Variants in USP34 observed in about 807,000 individuals in gnomAD.
USP34 encodes the protein ubiquitin specific peptidase 34, also known as ubiquitin carboxyl-terminal hydrolase 34.
Under a neutral mutation model 460.3 loss-of-function variants are expected in USP34, and 70 were observed. The observed-to-expected ratio is 0.15, with a 90% CI of 0.13 to 0.19. The LOEUF (loss-of-function observed/expected upper bound fraction) is 0.19. Ranked by LOEUF, USP34 falls within the 10% of genes least tolerant of loss-of-function variation. The pLI is 1.00. For missense variants in USP34, 3,985 were observed against 4,236.2 expected (o/e 0.94, Z 1.65); for synonymous variants, 1,647 against 1,405.3 (o/e 1.17, Z -3.85).
At chr2:61,316,214 T>TA (rs1003547304) in intron 23 of USP34, among the ~76,000 whole-genome samples, 2 of 151,402 alleles carry the variant, frequency 1.3e-5, no homozygotes, top group African/African-American at 4.9e-5. Context: ...GGGTTAGGAC[T>TA]AAAAAAACTG....
chr2:61,413,117 C>T (rs57444330), intron 2 of USP34, among the ~76,000 whole-genome samples: 17,812 of 152,034 alleles, frequency 0.12, 1,417 homozygotes, highest in South Asian at 0.32. Context: ...TCAAGGAGGC[C>T]GGGCGCGGTG....
intron 58 of USP34, among the ~76,000 whole-genome samples, chr2:61,231,282 G>T: frequency 6.6e-6 from 1 of 151,716 alleles, no homozygotes; most frequent in East Asian, 1.9e-4. Flanking sequence ...ATGGGTATAG[G>T]GTTTTTTTTT....
At chr2:61,209,939 TA>T (rs764018996) in intron 69 of USP34, among the ~76,000 whole-genome samples, 1 of 152,032 alleles carries the variant, frequency 6.6e-6, no homozygotes, top group Admixed American at 6.5e-5. Context: ...CGAAAACATT[TA>T]AAAAGAAAAA....
intron 62 of USP34, among the ~76,000 whole-genome samples, chr2:61,224,043 A>C (rs1687662873): frequency 1.3e-5 from 2 of 152,214 alleles, no homozygotes; most frequent in East Asian, 1.9e-4. Context: ...TTTCAAAAAC[A>C]ACCACGGTAC....
chr2:61,286,391 C>T (rs942912727), intron 34 of USP34, among the ~76,000 whole-genome samples: 5 of 152,108 alleles, frequency 3.3e-5, no homozygotes, highest in Non-Finnish European at 7.3e-5. Context: ...AGCGGTGGCT[C>T]ACACCTATAA....
In USP34 at chr2:61,187,793, A is replaced by G; in HGVS notation, c.*309T>C. ...CACAGTAAAAATGCTGTAAGTTTAA[A>G]TTACATTGTACAGGGCTAGGCAACC... On this transcript the variant is annotated 3_prime_UTR_variant, in exon 80 of 80. Transcript: ENST00000398571. 1.2e-6 allele frequency: 1 copy of G among 802,002 alleles called. No homozygotes were observed. Among genetic ancestry groups the G allele is most frequent in the East Asian group, 6.9e-5 (1 of 14,540 alleles). The allele number at this position is 802,002 out of a possible 1,614,324, so 49.7% of individuals were successfully genotyped here.
At chr2:61,427,214 G>A (rs974190083) in intron 1 of USP34, among the ~76,000 whole-genome samples, 61 of 152,280 alleles carry the variant, frequency 4.0e-4, no homozygotes, top group African/African-American at 1.4e-3. Context: ...ATTTTTAGTA[G>A]AGACAGGGTT....
chr2:61,213,957 T>C, intron 68 of USP34, 103 bp downstream of exon 68: 2 of 1,344,712 alleles, frequency 1.5e-6, no homozygotes, highest in Non-Finnish European at 2.0e-6. Context: ...TAAGAAAGAA[T>C]GGTGAGACTA....
At chr2:61,191,827 G>C (rs900880832) in intron 76 of USP34, among the ~76,000 whole-genome samples, 1 of 152,168 alleles carries the variant, frequency 6.6e-6, no homozygotes. Context: ...GGGAAAACGA[G>C]ATCTCCAATT....
chr2:61,332,453 T>A (rs1027651318), intron 19 of USP34, among the ~76,000 whole-genome samples: 12 of 152,146 alleles, frequency 7.9e-5, no homozygotes, highest in Non-Finnish European at 1.8e-4. Flanking sequence ...AGGAACAAGC[T>A]AAAAGAGTTT....
rs1323153857 is a variant in USP34 at position 61,380,238 on chromosome 2, T to C, written c.945A>G (p.Leu315=). ...DTTLCFDKES[L]DLAFKYFMSP... Reference sequence around the variant, plus strand: ...ACATAAAGTACTTAAATGCAAGATCTAGGCTTTCTTTATCAAAGCATAATG... The same window carrying C: ...ACATAAAGTACTTAAATGCAAGATCCAGGCTTTCTTTATCAAAGCATAATG... The change falls in exon 7 of 80, where the codon CTA becomes CTG. Residue 315 remains leucine (L), a synonymous_variant. Coordinates refer to ENST00000398571, the MANE Select transcript of USP34 (RefSeq NM_014709.4). The C allele has an allele frequency of 6.2e-7, 1 of 1,614,066 alleles. No individual in the cohort carries two copies. Among genetic ancestry groups the C allele is most frequent in the East Asian group, 2.2e-5 (1 of 44,896 alleles).
Position 61,188,705 on chromosome 2 carries a change from A to T in USP34, c.10038T>A (p.Asp3346Glu), listed in dbSNP as rs2103726857. The change falls in exon 80 of 80, where the codon GAT becomes GAA. Residue 3346 changes from aspartate (D) to glutamate (E), a missense_variant. This residue lies in a region of USP34 where 506 missense variants were observed against 439.0 expected (regional missense o/e 1.15). Transcript: ENST00000398571. Reference protein sequence around the residue: ...QEAKERKTKDDEGATPIKRRR... With the variant: ...QEAKERKTKDEEGATPIKRRR... ...GCCTTTTAATGGGAGTTGCTCCTTC[A>T]TCATCTGTGAAAACACATGCCAAAA... is the stretch of plus-strand genomic sequence containing the variant. 5 of 1,612,286 alleles carry T rather than the reference A, an allele frequency of 3.1e-6. No individual in the cohort carries two copies. In the East Asian group the frequency reaches 8.9e-5, roughly 29 times the overall value.
Position 61,187,463 on chromosome 2 carries a change from T to G in USP34, c.*639A>C. The G allele has an allele frequency of 1.0e-6, 1 of 985,962 alleles. No homozygotes were observed. Among genetic ancestry groups the G allele is most frequent in the Non-Finnish European group, 1.2e-6 (1 of 829,982 alleles). The allele number at this position is 985,962 out of a possible 1,614,324, so 61.1% of individuals were successfully genotyped here. Reference sequence around the variant, plus strand: ...GACTGAAGCAACGTATGTAAACAAATGAAAAGTCATCACAATCAGTTTAAT... The same window carrying G: ...GACTGAAGCAACGTATGTAAACAAAGGAAAAGTCATCACAATCAGTTTAAT... On this transcript the variant is annotated 3_prime_UTR_variant, in exon 80 of 80. Transcript: ENST00000398571.
At chr2:61,205,401 GAAGT>G (rs1687089905) in intron 72 of USP34, among the ~76,000 whole-genome samples, 2 of 152,118 alleles carry the variant, frequency 1.3e-5, no homozygotes, top group Non-Finnish European at 2.9e-5. Context: ...TCTTGCTAGA[GAAGT>G]AATTGCACAG....
chr2:61,248,999 TCA>T (rs1358914034), intron 48 of USP34, among the ~76,000 whole-genome samples: 1 of 152,210 alleles, frequency 6.6e-6, no homozygotes, highest in East Asian at 1.9e-4. Context: ...GTTCACAATT[TCA>T]CAGATTTTAG....
intron 3 of USP34, among the ~76,000 whole-genome samples, 186 bp from the exon 4 acceptor site, chr2:61,395,419 C>T (rs1319565396): frequency 6.6e-6 from 1 of 152,172 alleles, no homozygotes; most frequent in Non-Finnish European, 1.5e-5. Flanking sequence ...TTTAGTCCTC[C>T]TTTAAGTAGA....
chr2:61,295,534 A>G (rs543627658), intron 30 of USP34, among the ~76,000 whole-genome samples: 2 of 152,366 alleles, frequency 1.3e-5, no homozygotes, highest in Non-Finnish European at 2.9e-5. Context: ...TGGGAAAATA[A>G]TTAACTGTTA....
At chr2:61,346,239 T>C (rs1190641514) in intron 15 of USP34, 1 of 151,586 alleles carries the variant, frequency 6.6e-6, no homozygotes, top group African/African-American at 2.4e-5. Context: ...AGGTCTAGGC[T>C]GGGTATAAGT....
At chr2:61,430,370 C>T (rs1371447225) in intron 1 of USP34, among the ~76,000 whole-genome samples, 1 of 152,200 alleles carries the variant, frequency 6.6e-6, no homozygotes, top group African/African-American at 2.4e-5. Flanking sequence ...TGCCATTGCA[C>T]TCCGGCCTGG....
Sources: allele counts gnomAD v4.1 joint callset (sites outside exome capture counted in the v4.1 genomes callset), GRCh38; gene constraint gnomAD v4.1.1; regional missense constraint gnomAD v4.1.1; transcripts MANE v1.5; gene names NCBI Gene and HGNC (gene_info 2026-07-23, HGNC 2026-07-21).